ROGDI: variants seen among roughly 807,000 people sequenced by gnomAD.
The protein encoded by ROGDI is protein rogdi homolog.
ROGDI carries 46 observed loss-of-function variants against 43.1 expected under a neutral mutation model. The ratio of observed to expected loss-of-function variants is 1.07; its 90% CI spans 0.84 to 1.37. The LOEUF (loss-of-function observed/expected upper bound fraction) is 1.37, where lower values mean the gene tolerates loss of function less well. ROGDI is among the 40% of genes most tolerant of loss of function. The probability of loss-of-function intolerance (pLI) is 0.00; values close to 1 mark genes in which losing one functional copy is unlikely to be tolerated. For missense variants in ROGDI, 518 were observed against 383.9 expected (o/e 1.35, Z -2.92); for synonymous variants, 243 against 162.0 (o/e 1.50, Z -3.80).
In ROGDI at chr16:4,797,956, T is replaced by C. The variant is rs767037070; in HGVS notation, c.677A>G (p.His226Arg). The change falls in exon 9 of 11, where the codon CAT (histidine) becomes CGT (arginine). Residue 226 changes from histidine (H) to arginine (R), a missense_variant. Coordinates refer to ENST00000322048, the MANE Select transcript of ROGDI (RefSeq NM_024589.3). ...TACTTACAACATGGCCCCAGGGCTA[T>C]GCAGCACCGCGCCCCCAGCTGGGCG... ...NFRPAGGAVL[H>R]SPGAMFEWGS... The C allele has an allele frequency of 3.2e-5, 51 of 1,605,382 alleles. No individual in the cohort carries two copies. The highest frequency in any genetic ancestry group is 7.7e-6 in the Non-Finnish European group (9 of 1,174,596).
In ROGDI at chr16:4,799,771, G is replaced by A. The variant is rs1060502982; in HGVS notation, c.347C>T (p.Ala116Val). 1.2e-6 allele frequency: 2 copies of A among 1,613,186 alleles called. No individual in the cohort carries two copies. The highest frequency in any genetic ancestry group is 1.7e-5 in the Admixed American group (1 of 59,954). Residue 116 changes from alanine (A) to valine (V), a missense_variant, in exon 6 of 11, where the codon GCC becomes GTC. Transcript: ENST00000322048. The stretch of plus-strand genomic sequence containing the variant: ...AATGGCTTGGCTCACATGGTTTCTG[G>A]CATCCTGGATCTGGAAGCAGGGGTC... ...KQWKLQQIQD[A>V]RNHVSQAIYL...
At chr16:4,799,096 A>C (rs1402085865) in intron 6 of ROGDI, among the ~76,000 whole-genome samples, 1 of 152,076 alleles carries the variant, frequency 6.6e-6, no homozygotes, top group Non-Finnish European at 1.5e-5. Context: ...TGGTGGGACC[A>C]CCTGGAGCCC....
chr16:4,801,024 T>G, intron 4 of ROGDI: 1 of 509,728 alleles, frequency 2.0e-6, no homozygotes. Context: ...TGCCCATGTT[T>G]CACTGGTCCG....
At position 4,797,139 on chromosome 16, in the gene ROGDI, A is replaced by C; in HGVS notation, c.*321T>G. The C allele has an allele frequency of 3.3e-6, 1 of 303,856 alleles. No homozygotes were observed. Among genetic ancestry groups the C allele is most frequent in the Non-Finnish European group, 6.3e-6 (1 of 159,918 alleles). The allele number at this position is 303,856 out of a possible 1,614,324, so 18.8% of individuals were successfully genotyped here. On this transcript the variant is annotated 3_prime_UTR_variant, in exon 11 of 11. Coordinates refer to ENST00000322048, the MANE Select transcript of ROGDI (RefSeq NM_024589.3). ...ACCATGCCCTCCAGGGGGAGGGGACAGCGAAGGGGAGAGGAGGGAGAGCCC... is the reference window on the plus strand; with the variant it reads ...ACCATGCCCTCCAGGGGGAGGGGACCGCGAAGGGGAGAGGAGGGAGAGCCC...
intron 6 of ROGDI, among the ~76,000 whole-genome samples, chr16:4,799,044 T>C (rs1219495699): frequency 6.6e-6 from 1 of 151,638 alleles, no homozygotes; most frequent in African/African-American, 2.4e-5. Context: ...GATGACTGGG[T>C]TGAGGTTTTC....
intron 4 of ROGDI, chr16:4,800,925 G>A (rs1173880129): frequency 8.0e-6 from 4 of 501,206 alleles, no homozygotes; most frequent in Non-Finnish European, 1.4e-5. Flanking sequence ...CTCCCCCCAC[G>A]CCTTGGTGCC....
chr16:4,800,968 G>A (rs986886681), intron 4 of ROGDI: 6 of 505,988 alleles, frequency 1.2e-5, no homozygotes, highest in African/African-American at 3.9e-5. Flanking sequence ...TGGAGTTCAG[G>A]CATTGGCTGA....
In ROGDI at chr16:4,798,600, G is replaced by A; in HGVS notation, c.500C>T (p.Thr167Ile). 1 of 1,573,998 alleles carries A rather than the reference G, an allele frequency of 6.4e-7. No homozygotes were observed. Among genetic ancestry groups the A allele is most frequent in the Non-Finnish European group, 8.6e-7 (1 of 1,165,316 alleles). ...GCCGCTGGCGGCGATCTCGGGGAGG[G>A]TGAGGGTGGCGGGGGTGGTGAGCCG... The part of the protein sequence containing the change: ...RNRLTTPATL[T>I]LPEIAASGLT... The change falls in exon 7 of 11, where the codon ACC (threonine) becomes ATC (isoleucine). Residue 167 changes from threonine to isoleucine, a missense_variant. Thr to Ile is a moderately conservative substitution (Grantham distance 89). Coordinates refer to ENST00000322048, the MANE Select transcript of ROGDI (RefSeq NM_024589.3).
At chr16:4,798,698 C>T in intron 6 of ROGDI, 31 bp from the exon 7 acceptor site, 1 of 1,493,044 alleles carries the variant, frequency 6.7e-7, no homozygotes, top group Non-Finnish European at 9.1e-7. Context: ...GGCTCTGCGT[C>T]CTCCCGTGTC....
rs76593206 is a variant in ROGDI at position 4,797,406 on chromosome 16, G to A, written c.*54C>T. ...GGCACTGGCTGGTGCTCTGTGGTGG[G>A]TATGAGTAGGGGACGGGGCCGCCTT... On this transcript the variant is annotated 3_prime_UTR_variant, in exon 11 of 11. Coordinates refer to ENST00000322048, the MANE Select transcript of ROGDI (RefSeq NM_024589.3). The A allele has an allele frequency of 1.3e-6, 2 of 1,550,634 alleles. No individual in the cohort carries two copies. The highest frequency in any genetic ancestry group is 1.8e-6 in the Non-Finnish European group (2 of 1,133,184).
In ROGDI at chr16:4,797,813, C is replaced by T. The variant is rs1411792974; in HGVS notation, c.723G>A (p.Val241=). Residue 241 remains valine (V), a synonymous_variant, in exon 10 of 11, where the codon GTG becomes GTA. Transcript: ENST00000322048. Reference sequence around the variant, plus strand: ...CGCACTCCACTTTGTGCACGTGGCTCACCTCCAGGCGCTGAGAGCCCCACT... The same window carrying T: ...CGCACTCCACTTTGTGCACGTGGCTTACCTCCAGGCGCTGAGAGCCCCACT... The part of the protein sequence containing the change: ...MFEWGSQRLE[V]SHVHKVECVI... 6.2e-7 allele frequency: 1 copy of T among 1,612,612 alleles called. No homozygotes were observed. The highest frequency in any genetic ancestry group is 1.1e-5 in the South Asian group (1 of 91,088).
intron 4 of ROGDI, 62 bp downstream of exon 4, chr16:4,801,205 G>A (rs2082711246): frequency 1.4e-6 from 2 of 1,399,760 alleles, no homozygotes; most frequent in Admixed American, 2.1e-5. Flanking sequence ...CAGAGAGAAA[G>A]TGGGAGCTCC....
intron 6 of ROGDI, among the ~76,000 whole-genome samples, chr16:4,799,122 C>T (rs531521957): frequency 1.3e-5 from 2 of 152,066 alleles, no homozygotes; most frequent in Admixed American, 6.5e-5. Context: ...TTCCCTTTGC[C>T]GTGGAGCAGA....
rs1276652988 is a variant in ROGDI, at chr16:4,800,593, T to G, written c.256-15A>C. On this transcript the variant is annotated splice_polypyrimidine_tract_variant and intron_variant, in intron 4 of 10. Transcript: ENST00000322048. The stretch of plus-strand genomic sequence containing the variant: ...AGGTTCACATCCTGACAGGCAAGAG[T>G]GGGGTGAGCTGGGCAGTGGGGGGGC... The G allele has an allele frequency of 1.3e-6, 2 of 1,553,004 alleles. No individual in the cohort carries two copies. Among genetic ancestry groups the G allele is most frequent in the South Asian group, 1.2e-5 (1 of 84,432 alleles).
intron 4 of ROGDI, 36 bp from the exon 5 acceptor site, chr16:4,800,614 G>A (rs1311525275): frequency 1.3e-6 from 2 of 1,499,288 alleles, no homozygotes. Flanking sequence ...GGGCAGTGGG[G>A]GGGCACCTCC....
At position 4,798,121 on chromosome 16, in the gene ROGDI, G is replaced by C. The variant is rs762068973; in HGVS notation, c.595C>G (p.Leu199Val). The C allele has an allele frequency of 1.1e-5, 18 of 1,613,900 alleles. No homozygotes were observed. The East Asian group carries it at 2.9e-4, about 26-fold the overall frequency. Residue 199 changes from leucine to valine, a missense_variant, in exon 8 of 11, where the codon CTC becomes GTC. Leu to Val is a conservative substitution (Grantham distance 32). Transcript: ENST00000322048. ...LVNVYINLNK[L>V]CLTVYQLHAL... ...TGCAGCTGGTACACCGTGAGGCAGA[G>C]CTTGTTGAGGTTGATGTAGACGTTG...
In ROGDI at chr16:4,797,288, T is replaced by TC; in HGVS notation, c.*171dup. 3.1e-6 allele frequency: 2 copies of TC among 637,956 alleles called. No individual in the cohort carries two copies. Among genetic ancestry groups the TC allele is most frequent in the Non-Finnish European group, 2.7e-6 (1 of 375,186 alleles). The allele number at this position is 637,956 out of a possible 1,614,324, so 39.5% of individuals were successfully genotyped here. On this transcript the variant is annotated 3_prime_UTR_variant, in exon 11 of 11. Transcript: ENST00000322048. The stretch of plus-strand genomic sequence containing the variant: ...ACTACCCCACCAAACCAGCCTTCCT[T>TC]CCTCCTGGCACTTCCAGTGTCCATT...
chr16:4,802,255 C>A, intron 2 of ROGDI, 127 bp downstream of exon 2: 1 of 870,850 alleles, frequency 1.1e-6, no homozygotes, highest in Non-Finnish European at 1.8e-6. Context: ...GAGGCGGGGC[C>A]CTGCCTGAAA....
At position 4,799,702 on chromosome 16, in the gene ROGDI, C is replaced by T. The variant is rs1567600743; in HGVS notation, c.416G>A (p.Gly139Asp). The T allele has an allele frequency of 5.6e-6, 9 of 1,613,360 alleles. No individual in the cohort carries two copies. The highest frequency in any genetic ancestry group is 7.6e-6 in the Non-Finnish European group (9 of 1,179,562). Residue 139 changes from glycine (G) to aspartate (D), a missense_variant, in exon 6 of 11, where the codon GGC becomes GAC. Coordinates refer to ENST00000322048, the MANE Select transcript of ROGDI (RefSeq NM_024589.3). Reference sequence around the variant, plus strand: ...GCAGCTCACCTTGAGGACCTCAGCGCCCGTCTTGAACTGGTAGCTCTGGTC... The same window carrying T: ...GCAGCTCACCTTGAGGACCTCAGCGTCCGTCTTGAACTGGTAGCTCTGGTC... Reference protein sequence around the residue: ...SRDQSYQFKTGAEVLKLMDAV... With the variant: ...SRDQSYQFKTDAEVLKLMDAV...
Sources: gnomAD v4.1 joint callset for allele counts (sites outside exome capture counted in the v4.1 genomes callset) on GRCh38, gnomAD v4.1.1 for gene constraint, MANE v1.5 for transcripts, NCBI Gene and HGNC (gene_info 2026-07-23, HGNC 2026-07-21) for gene names.